Variants in LAMB1 observed in about 807,000 individuals in gnomAD.
LAMB1 encodes laminin subunit beta 1.
Under a neutral mutation model 222.3 loss-of-function variants are expected in LAMB1, and 121 were observed. The observed-to-expected ratio is 0.54, with a 90% CI of 0.47 to 0.63. The LOEUF (loss-of-function observed/expected upper bound fraction) is 0.63. Among genes scored for constraint, LAMB1 ranks in the 30% least tolerant of loss-of-function variants. The pLI, the probability that LAMB1 is intolerant of heterozygous loss-of-function variation, is 0.00. For synonymous variants in LAMB1, 794 were observed against 807.2 expected, an observed-to-expected ratio of 0.98 and a Z score of 0.28; for missense variants, 2,172 against 2,240.8, an observed-to-expected ratio of 0.97 and a Z score of 0.62.
At chr7:108,001,993 A>G in intron 2 of LAMB1, 1 of 1,443,186 alleles carries the variant, frequency 6.9e-7, no homozygotes, top group Non-Finnish European at 9.1e-7. Flanking sequence ...CTCCCGGGAA[A>G]CCCACCGACG....
chr7:107,930,892 T>A (rs1403692266), intron 29 of LAMB1, among the ~76,000 whole-genome samples: 1 of 152,172 alleles, frequency 6.6e-6, no homozygotes, highest in Non-Finnish European at 1.5e-5. Context: ...ATTAAGTCCC[T>A]TTCACTTGAG....
In LAMB1 at chr7:108,002,960, C is replaced by T. The variant is rs1375295291; in HGVS notation, c.-75G>A. 6 of 1,607,320 alleles carry T rather than the reference C, an allele frequency of 3.7e-6. No individual in the cohort carries two copies. The highest frequency in any genetic ancestry group is 3.4e-5 in the Admixed American group (2 of 58,936). ...CCGCCGAGCCGCCTGCCCTTTCTTC[C>T]CGTCTTCCTTTCTGGAGAGGTGGAA... On this transcript the variant is annotated 5_prime_UTR_variant, in exon 2 of 34. Transcript: ENST00000222399.
intron 24 of LAMB1, among the ~76,000 whole-genome samples, chr7:107,946,512 G>T (rs966724545): frequency 6.6e-6 from 1 of 152,224 alleles, no homozygotes; most frequent in African/African-American, 2.4e-5. Context: ...CCCACAAGTA[G>T]CCAGGGAAAA....
intron 24 of LAMB1, 139 bp from the exon 25 acceptor site, chr7:107,940,497 G>A (rs1415353705): frequency 1.2e-5 from 10 of 861,280 alleles, no homozygotes; most frequent in Non-Finnish European, 1.6e-5. Context: ...GGCTCAGGTA[G>A]AGACTGTAGC....
At chr7:107,996,224 A>G (rs537613398) in intron 4 of LAMB1, among the ~76,000 whole-genome samples, 1 of 152,336 alleles carries the variant, frequency 6.6e-6, no homozygotes, top group East Asian at 1.9e-4. Flanking sequence ...GTAACCTAAG[A>G]ACATATGCTG....
chr7:107,926,121 G>A, intron 32 of LAMB1, 62 bp downstream of exon 32: 1 of 1,316,110 alleles, frequency 7.6e-7, no homozygotes, highest in Non-Finnish European at 1.1e-6. Flanking sequence ...TCTAAGGCAG[G>A]CAAGGAGGAG....
intron 25 of LAMB1, 83 bp downstream of exon 25, chr7:107,939,906 C>CA (rs1381342152): frequency 6.8e-7 from 1 of 1,461,188 alleles, no homozygotes; most frequent in African/African-American, 1.4e-5. Context: ...CTGATGGAAG[C>CA]ACCATGCCAG....
At chr7:107,958,251 A>T (rs1437291091) in intron 20 of LAMB1, among the ~76,000 whole-genome samples, 1 of 152,172 alleles carries the variant, frequency 6.6e-6, no homozygotes, top group Non-Finnish European at 1.5e-5. Context: ...TGTCCTTGCT[A>T]TCTTTCTACA....
At position 107,935,423 on chromosome 7, in the gene LAMB1, C is replaced by T. The variant is rs746231755; in HGVS notation, c.4180G>A (p.Ala1394Thr). The T allele has an allele frequency of 6.3e-7, 1 of 1,582,808 alleles. No homozygotes were observed. Among genetic ancestry groups the T allele is most frequent in the South Asian group, 1.1e-5 (1 of 90,486 alleles). Residue 1394 changes from alanine to threonine, a missense_variant, in exon 27 of 34, where the codon GCC becomes ACC. By Grantham distance (58) the Ala-to-Thr change is moderately conservative. Transcript: ENST00000222399. The stretch of plus-strand genomic sequence containing the variant: ...ACATCCCCAAACCTTACCATTTCGG[C>T]AGCGGCTGAAAGGTCTAGGCTTTGT... ...KLQSLDLSAA[A>T]EMTCGTPPGA... is the part of the protein sequence containing the mutation.
At chr7:107,987,534 G>A (rs1349872552) in intron 5 of LAMB1, among the ~76,000 whole-genome samples, 4 of 152,054 alleles carry the variant, frequency 2.6e-5, no homozygotes, top group Non-Finnish European at 5.9e-5. Flanking sequence ...GCAGAGTCTC[G>A]CTGTGGCCCA....
intron 27 of LAMB1, among the ~76,000 whole-genome samples, chr7:107,932,972 GCT>G (rs1194708391): frequency 2.0e-5 from 3 of 152,232 alleles, no homozygotes; most frequent in Non-Finnish European, 2.9e-5. Flanking sequence ...GAAGCTGTTG[GCT>G]GGTGGGATTT....
chr7:107,931,850 A>G (rs1436818876), intron 28 of LAMB1: 5 of 494,776 alleles, frequency 1.0e-5, no homozygotes, highest in Non-Finnish European at 1.8e-5. Flanking sequence ...ATTGCTTAGT[A>G]TAGAGTTTTT....
chr7:107,988,028 A>C (rs1584535435), intron 5 of LAMB1, among the ~76,000 whole-genome samples: 1 of 152,258 alleles, frequency 6.6e-6, no homozygotes, highest in African/African-American at 2.4e-5. Flanking sequence ...GGATGATACA[A>C]AACACAGGAA....
rs1323950868 is a variant in LAMB1, at chr7:107,924,344, A to T, written c.5110T>A (p.Leu1704Ile). The change falls in exon 33 of 34, where the codon TTA (leucine) becomes ATA (isoleucine). Residue 1704 changes from leucine to isoleucine, a missense_variant. By Grantham distance (5) the Leu-to-Ile change is conservative. Transcript: ENST00000222399. ...GACTCTTCAGTTTTTTTGGCAATTA[A>T]ATTTTCTACTTTTTTATACTTTTCA... Reference protein sequence around the residue: ...LDEKYKKVENLIAKKTEESAD... With the variant: ...LDEKYKKVENIIAKKTEESAD... 2 of 1,612,030 alleles carry T rather than the reference A, an allele frequency of 1.2e-6. No individual in the cohort carries two copies. Among genetic ancestry groups the T allele is most frequent in the African/African-American group, 2.7e-5 (2 of 74,728 alleles).
chr7:107,959,691 G>T lies in LAMB1; in HGVS notation c.2458C>A (p.Pro820Thr). ...ATAACAATGCTTTTGAGGAACCTAC[G>T]TTTGCATCCACTGGGGCCAAAGCCA... ...TFGFGPSGCKPCECHLQGSVN... is the reference protein window; with the variant it reads ...TFGFGPSGCKTCECHLQGSVN... Residue 820 changes from proline to threonine, a missense_variant and splice_region_variant, in exon 19 of 34, where the codon CCT (proline) becomes ACT (threonine). By Grantham distance (38) the Pro-to-Thr change is conservative. Coordinates refer to ENST00000222399, the MANE Select transcript of LAMB1 (RefSeq NM_002291.3). 4 of 1,614,218 alleles carry T rather than the reference G, an allele frequency of 2.5e-6. No individual in the cohort carries two copies. Among genetic ancestry groups the T allele is most frequent in the Non-Finnish European group, 3.4e-6 (4 of 1,180,050 alleles).
Position 107,961,293 on chromosome 7 carries a change from C to G in LAMB1, c.2022G>C (p.Lys674Asn). The change falls in exon 17 of 34, where the codon AAG (lysine) becomes AAC (asparagine). Residue 674 changes from lysine (K) to asparagine (N), a missense_variant. Physicochemically the swap from Lys to Asn is moderately conservative, Grantham distance 94. Transcript: ENST00000222399. ...VVLPRPVCFE[K>N]GTNYTVRLEL... ...CCAACCTCACCGTGTAGTTTGTTCC[C>G]TTCTCAAAGCACACCGGCCGAGGAA... is the stretch of plus-strand genomic sequence containing the variant. 1 of 1,614,126 alleles carries G rather than the reference C, an allele frequency of 6.2e-7. No homozygotes were observed. The highest frequency in any genetic ancestry group is 8.5e-7 in the Non-Finnish European group (1 of 1,180,020).
rs915386730 is a variant in LAMB1, at chr7:107,940,078, C to T, written c.3672G>A (p.Glu1224=). 6 of 1,614,054 alleles carry T rather than the reference C, an allele frequency of 3.7e-6. No individual in the cohort carries two copies. The highest frequency in any genetic ancestry group is 1.7e-5 in the Admixed American group (1 of 60,008). The part of the protein sequence containing the change: ...GPYRETVDSV[E]RKVSEIKDIL... ...TGTCTTTTATCTCGCTGACTTTCCT[C>T]TCCACCGAGTCCACAGTCTCACGGT... The change falls in exon 25 of 34, where the codon GAG becomes GAA. Residue 1224 remains glutamate, a synonymous_variant. Transcript: ENST00000222399.
intron 21 of LAMB1, among the ~76,000 whole-genome samples, chr7:107,954,331 AT>A (rs35519789): frequency 0.24 from 31,394 of 133,522 alleles, 3,321 homozygotes; most frequent in Non-Finnish European, 0.3. Context: ...ATTTTGTAAA[AT>A]TTTTTTTTTT....
chr7:107,939,573 A>G (rs1161004045), intron 25 of LAMB1, among the ~76,000 whole-genome samples: 3 of 152,176 alleles, frequency 2.0e-5, no homozygotes, highest in Non-Finnish European at 4.4e-5. Flanking sequence ...AGGTAATGGC[A>G]TATATTATCC....
Sources: gnomAD v4.1 joint callset for allele counts (sites outside exome capture counted in the v4.1 genomes callset) on GRCh38, gnomAD v4.1.1 for gene constraint, MANE v1.5 for transcripts, NCBI Gene and HGNC (gene_info 2026-07-23, HGNC 2026-07-21) for gene names.